SYNE1: variants seen among roughly 807,000 people sequenced by gnomAD.
The protein encoded by SYNE1 is nesprin-1.
A neutral mutation model predicts 1,111.0 loss-of-function variants in SYNE1; 616 were observed. The observed-to-expected ratio is 0.55, with a 90% CI of 0.52 to 0.59. The LOEUF is 0.59. Among genes scored for constraint, SYNE1 ranks in the 20% least tolerant of loss-of-function variants. The pLI is 0.00. For synonymous variants in SYNE1, 3,855 were observed against 3,825.8 expected (o/e 1.01, Z -0.28); for missense variants, 10,006 against 10,417.0 (o/e 0.96, Z 1.72).
At chr6:152,134,606 C>T (rs12529355) in intron 142 of SYNE1, 14,221 of 167,188 alleles carry the variant, frequency 0.085, 787 homozygotes, top group East Asian at 0.29. Flanking sequence ...GCTCGAATCC[C>T]GGAGGCGGAG....
Position 152,364,917 on chromosome 6 carries a change from T to G in SYNE1, c.10075A>C (p.Ile3359Leu). Residue 3359 changes from isoleucine (I) to leucine (L), a missense_variant, in exon 63 of 146, where the codon ATT becomes CTT. Transcript: ENST00000367255. Reference protein sequence around the residue: ...QNTSPEGIPTIQQQLQSVKDM... With the variant: ...QNTSPEGIPTLQQQLQSVKDM... ...TTCACACTCTGCAGCTGCTGCTGAATAGTGGGAATGCCTTCTGGAGAAGTA... is the reference window on the plus strand; with the variant it reads ...TTCACACTCTGCAGCTGCTGCTGAAGAGTGGGAATGCCTTCTGGAGAAGTA... 1 of 1,614,236 alleles carries G rather than the reference T, an allele frequency of 6.2e-7. No homozygotes were observed. The highest frequency in any genetic ancestry group is 8.5e-7 in the Non-Finnish European group (1 of 1,180,038).
At chr6:152,523,595 G>T (rs190138138) in intron 5 of SYNE1, among the ~76,000 whole-genome samples, 1 of 152,000 alleles carries the variant, frequency 6.6e-6, no homozygotes, top group Non-Finnish European at 1.5e-5. Context: ...GAAAAATTAT[G>T]TTGGTATTTT....
At chr6:152,460,284 T>A (rs1295444099) in intron 21 of SYNE1, among the ~76,000 whole-genome samples, 1 of 152,170 alleles carries the variant, frequency 6.6e-6, no homozygotes, top group Non-Finnish European at 1.5e-5. Flanking sequence ...AATATTATCA[T>A]TATTGCCCAC....
intron 7 of SYNE1, 50 bp downstream of exon 7, chr6:152,510,961 T>G: frequency 6.6e-7 from 1 of 1,524,618 alleles, no homozygotes; most frequent in South Asian, 1.1e-5. Context: ...GCCACCATGA[T>G]CTCCCTCTGA....
intron 31 of SYNE1, 49 bp downstream of exon 31, chr6:152,442,026 G>A (rs779325318): frequency 1.2e-6 from 2 of 1,610,224 alleles, no homozygotes; most frequent in South Asian, 1.1e-5. Context: ...AACCGGAAGT[G>A]AACACTGCCC....
chr6:152,460,054 C>G (rs2098722175), intron 21 of SYNE1, among the ~76,000 whole-genome samples: 1 of 152,130 alleles, frequency 6.6e-6, no homozygotes, highest in Admixed American at 6.5e-5. Context: ...TTTTATTGAT[C>G]TCTCCTGGGT....
At chr6:152,233,659 A>C in intron 112 of SYNE1, 122 bp downstream of exon 112, 1 of 1,215,546 alleles carries the variant, frequency 8.2e-7, no homozygotes, top group African/African-American at 1.5e-5. Flanking sequence ...AACGGGAGAG[A>C]GAAGAGGCCA....
At chr6:152,287,436 T>G (rs1231557301) in intron 95 of SYNE1, among the ~76,000 whole-genome samples, 2 of 152,236 alleles carry the variant, frequency 1.3e-5, no homozygotes, top group African/African-American at 4.8e-5. Context: ...TCTCCCTATC[T>G]GGTAGGATAT....
chr6:152,388,936 G>C (rs1187919627), intron 53 of SYNE1, among the ~76,000 whole-genome samples: 3 of 152,244 alleles, frequency 2.0e-5, no homozygotes, highest in Non-Finnish European at 4.4e-5. Context: ...CGCTCCAGCA[G>C]TCTATGATAT....
chr6:152,330,603 G>A lies in SYNE1; in HGVS notation c.14082C>T (p.Phe4694=), dbSNP rs1432904537. ...TQSLSELEAQ[F]LRMSKVPTDL... ...CGGTGGGAACTTTGCTCATCCTCAA[G>A]AATTGGGCTTCAAGTTCACTCAGAG... The change falls in exon 78 of 146, where the codon TTC becomes TTT. Residue 4694 remains phenylalanine, a synonymous_variant. Transcript: ENST00000367255. 1.2e-6 allele frequency: 2 copies of A among 1,613,564 alleles called. No homozygotes were observed. The highest frequency in any genetic ancestry group is 4.5e-5 in the East Asian group (2 of 44,876).
intron 3 of SYNE1, among the ~76,000 whole-genome samples, chr6:152,573,567 C>G (rs1336730200): frequency 6.6e-6 from 1 of 152,002 alleles, no homozygotes; most frequent in East Asian, 1.9e-4. Context: ...CTCAGATGAC[C>G]CCAACTTACC....
chr6:152,380,797 A>C (rs2097398998), intron 56 of SYNE1, among the ~76,000 whole-genome samples: 1 of 152,240 alleles, frequency 6.6e-6, no homozygotes, highest in Non-Finnish European at 1.5e-5. Flanking sequence ...TTCCTACCGC[A>C]AATAATAACC....
At chr6:152,141,666 G>A in intron 138 of SYNE1, among the ~76,000 whole-genome samples, 1 of 152,058 alleles carries the variant, frequency 6.6e-6, no homozygotes, top group African/African-American at 2.4e-5. Context: ...GGCTGAGGTG[G>A]ATCACCTGAG....
intron 49 of SYNE1, among the ~76,000 whole-genome samples, chr6:152,398,217 G>A (rs1012597452): frequency 6.6e-6 from 1 of 151,920 alleles, no homozygotes; most frequent in African/African-American, 2.4e-5. Context: ...ATTTTAGTTT[G>A]AATATCTCCT....
intron 127 of SYNE1, among the ~76,000 whole-genome samples, chr6:152,190,815 G>A (rs1215241831): frequency 6.6e-6 from 1 of 152,172 alleles, no homozygotes. Context: ...AAAACATGTT[G>A]AATGACAGTG....
chr6:152,459,422 C>T (rs528182427), intron 21 of SYNE1, among the ~76,000 whole-genome samples: 2 of 152,296 alleles, frequency 1.3e-5, no homozygotes, highest in Non-Finnish European at 2.9e-5. Flanking sequence ...TCTTCCCAGA[C>T]AGGCCTGTGC....
intron 132 of SYNE1, chr6:152,155,296 C>T (rs770541498): frequency 8.4e-6 from 4 of 475,602 alleles, no homozygotes; most frequent in Non-Finnish European, 1.5e-5. Context: ...TTGAAAATTA[C>T]AAGCACATCA....
chr6:152,123,100 C>T (rs1037058691), intron 145 of SYNE1, among the ~76,000 whole-genome samples: 3 of 152,166 alleles, frequency 2.0e-5, no homozygotes, highest in Admixed American at 1.3e-4. Flanking sequence ...TAGTTGCTGT[C>T]AGAATCATAC....
In SYNE1 at chr6:152,354,710, G is replaced by A; in HGVS notation, c.10875C>T (p.Thr3625=). The A allele has an allele frequency of 6.2e-7, 1 of 1,614,174 alleles. No individual in the cohort carries two copies. Among genetic ancestry groups the A allele is most frequent in the Non-Finnish European group, 8.5e-7 (1 of 1,180,028 alleles). The part of the protein sequence containing the change: ...KTAEEKVSPR[T]RRQSNRATKE... ...TGGTTGCCCTGTTAGACTGACGTCT[G>A]GTCCTGGGACTAACTTTCTCCTCTG... Residue 3625 remains threonine (T), a synonymous_variant, in exon 67 of 146, where the codon ACC becomes ACT. Transcript: ENST00000367255.
Sources: allele counts gnomAD v4.1 joint callset (sites outside exome capture counted in the v4.1 genomes callset), GRCh38; gene constraint gnomAD v4.1.1; transcripts MANE v1.5; gene names NCBI Gene and HGNC (gene_info 2026-07-23, HGNC 2026-07-21).